The following ROBO1 variants were observed in gnomAD, a reference collection of about 807,000 sequenced individuals.
ROBO1 encodes the protein roundabout guidance receptor 1, also known as roundabout homolog 1.
Under a neutral mutation model 195.9 loss-of-function variants are expected in ROBO1, and 149 were observed. The observed-to-expected ratio is 0.76, with a 90% CI of 0.67 to 0.87. ROBO1 has a LOEUF of 0.87. Among genes scored for constraint, ROBO1 ranks in the 40% least tolerant of loss-of-function variants. ROBO1 has a pLI of 0.00. For missense variants in ROBO1, 1,933 were observed against 2,068.3 expected (o/e 0.93, Z 1.27); for synonymous variants, 816 against 733.2 (o/e 1.11, Z -1.82).
intron 8 of ROBO1, among the ~76,000 whole-genome samples, chr3:78,690,858 T>A (rs922940233): frequency 7.2e-5 from 11 of 152,102 alleles, no homozygotes; most frequent in African/African-American, 2.7e-4. Context: ...TGTTTAAGAA[T>A]GTGTGCCAGA....
intron 3 of ROBO1, among the ~76,000 whole-genome samples, chr3:79,059,573 C>T (rs1200964622): frequency 6.6e-6 from 1 of 151,988 alleles, no homozygotes; most frequent in Non-Finnish European, 1.5e-5. Context: ...GGCAGAAGAA[C>T]ATAAATTGTG....
At chr3:78,642,107 A>G (rs934649038) in intron 21 of ROBO1, among the ~76,000 whole-genome samples, 3 of 152,100 alleles carry the variant, frequency 2.0e-5, no homozygotes, top group African/African-American at 7.2e-5. Context: ...CGAGCTTAAG[A>G]TATGAAGCAG....
intron 2 of ROBO1, among the ~76,000 whole-genome samples, chr3:79,237,368 C>T (rs1391902961): frequency 6.6e-6 from 1 of 151,890 alleles, no homozygotes; most frequent in Non-Finnish European, 1.5e-5. Context: ...GTAGTCCCAG[C>T]TACTCGGGAG....
chr3:78,622,664 A>G (rs1162766833), intron 26 of ROBO1, among the ~76,000 whole-genome samples: 1 of 152,176 alleles, frequency 6.6e-6, no homozygotes, highest in Admixed American at 6.5e-5. Flanking sequence ...ATCTGGATGG[A>G]TTCTGTGATT....
chr3:79,144,171 T>A lies in ROBO1; in HGVS notation c.89-18632A>T, dbSNP rs1006581424. Among the ~76,000 whole-genome samples the A allele has an allele frequency of 7.2e-5, 11 of 152,028 alleles. 1 individual carries two copies. The highest frequency in any genetic ancestry group is 4.4e-5 in the Non-Finnish European group (3 of 67,970). On this transcript the variant is annotated intron_variant, in intron 2 of 30. Transcript: ENST00000464233. Reference sequence around the variant, plus strand: ...ATAAAGCTGCTATAAATATGTACAGTTTTAGTATTAAATATACATTTTCAT... The same window carrying A: ...ATAAAGCTGCTATAAATATGTACAGATTTAGTATTAAATATACATTTTCAT...
chr3:78,938,872 G>T lies in ROBO1; in HGVS notation c.228C>A (p.Asp76Glu), dbSNP rs1290249322. Residue 76 changes from aspartate to glutamate, a missense_variant, in exon 4 of 31, where the codon GAC (aspartate) becomes GAA (glutamate). Asp to Glu is a conservative substitution (Grantham distance 45). Coordinates refer to ENST00000464233, the MANE Select transcript of ROBO1 (RefSeq NM_002941.4). The part of the protein sequence containing the change: ...FPPRIVEHPS[D>E]LIVSKGEPAT... ...CAGGTTCTCCTTTTGAGACAATCAG[G>T]TCTGAAGGGTGTTCAACAATGCGAG... The T allele has an allele frequency of 1.9e-6, 3 of 1,613,848 alleles. No homozygotes were observed. The East Asian group carries it at 6.7e-5, about 36-fold the overall frequency.
intron 2 of ROBO1, among the ~76,000 whole-genome samples, chr3:79,446,951 A>G (rs1393750667): frequency 6.6e-6 from 1 of 151,114 alleles, no homozygotes; most frequent in African/African-American, 2.4e-5. Context: ...AGCCTCCCAC[A>G]TAGCTGGGAT....
intron 3 of ROBO1, chr3:79,018,517 G>T: frequency 6.2e-7 from 1 of 1,608,626 alleles, no homozygotes; most frequent in Non-Finnish European, 8.5e-7. Flanking sequence ...AGTGGAAATA[G>T]GGTCCCCAAA....
At chr3:79,405,404 A>G (rs1469196490) in intron 2 of ROBO1, among the ~76,000 whole-genome samples, 1 of 152,190 alleles carries the variant, frequency 6.6e-6, no homozygotes, top group African/African-American at 2.4e-5. Context: ...TCTGCAAGGA[A>G]GCACATTATG....
At chr3:78,609,834 T>C (rs1703700713) in intron 28 of ROBO1, among the ~76,000 whole-genome samples, 1 of 152,228 alleles carries the variant, frequency 6.6e-6, no homozygotes, top group East Asian at 1.9e-4. Context: ...TAACCTAGTA[T>C]TTCTCATAAT....
In ROBO1 at chr3:79,552,799, C is replaced by G. The variant is rs143618327; in HGVS notation, c.88+37025G>C. Reference sequence around the variant, plus strand: ...AGTGTTAAATCCCAAGAAAATGCAGCATTGCTCATATGTGCATTTTGTAAA... The same window carrying G: ...AGTGTTAAATCCCAAGAAAATGCAGGATTGCTCATATGTGCATTTTGTAAA... On this transcript the variant is annotated intron_variant, in intron 2 of 30. Transcript: ENST00000464233. Among the ~76,000 whole-genome samples, 199 of 152,198 alleles carry G rather than the reference C, an allele frequency of 1.3e-3. 1 individual carries two copies. Among genetic ancestry groups the G allele is most frequent in the Middle Eastern group, 3.4e-3 (1 of 294 alleles).
intron 2 of ROBO1, among the ~76,000 whole-genome samples, chr3:79,409,955 T>C (rs1452762540): frequency 6.6e-6 from 1 of 152,140 alleles, no homozygotes; most frequent in East Asian, 1.9e-4. Context: ...CACACATATA[T>C]ATTCTCTTTG....
At chr3:79,022,319 C>T (rs2078119366) in intron 3 of ROBO1, among the ~76,000 whole-genome samples, 1 of 152,160 alleles carries the variant, frequency 6.6e-6, no homozygotes, top group Non-Finnish European at 1.5e-5. Flanking sequence ...TAATTCCTTT[C>T]TTTTAGGCTT....
At chr3:78,770,941 C>A (rs1381371884) in intron 4 of ROBO1, among the ~76,000 whole-genome samples, 1 of 151,994 alleles carries the variant, frequency 6.6e-6, no homozygotes, top group Non-Finnish European at 1.5e-5. Flanking sequence ...GTTGCTTCCA[C>A]CTGTGGTCCC....
At chr3:79,243,736 T>C (rs1431344209) in intron 2 of ROBO1, among the ~76,000 whole-genome samples, 3 of 152,254 alleles carry the variant, frequency 2.0e-5, no homozygotes, top group Admixed American at 2.0e-4. Flanking sequence ...ATTAGCCCTT[T>C]GTCAGATGAG....
intron 1 of ROBO1, among the ~76,000 whole-genome samples, chr3:79,664,165 G>C (rs1426313635): frequency 6.6e-6 from 1 of 151,910 alleles, no homozygotes; most frequent in African/African-American, 2.4e-5. Context: ...ATTTTAATGT[G>C]TCTTTCCTCT....
chr3:79,440,558 C>T (rs2039019540), intron 2 of ROBO1, among the ~76,000 whole-genome samples: 1 of 152,068 alleles, frequency 6.6e-6, no homozygotes. Flanking sequence ...CAGGATAGTC[C>T]TTGTCCTCAA....
chr3:79,372,533 G>T (rs1015571976), intron 2 of ROBO1, among the ~76,000 whole-genome samples: 1 of 151,914 alleles, frequency 6.6e-6, no homozygotes, highest in African/African-American at 2.4e-5. Flanking sequence ...AAGGAGAGAT[G>T]TGGGAGTGCT....
intron 2 of ROBO1, among the ~76,000 whole-genome samples, chr3:79,264,331 T>TTA (rs202055981): frequency 0.028 from 4,268 of 151,480 alleles, 171 homozygotes; most frequent in African/African-American, 0.096. Context: ...CTTTCTGAAT[T>TTA]TATATATATA....
Sources: gnomAD v4.1 joint callset for allele counts (sites outside exome capture counted in the v4.1 genomes callset) on GRCh38, gnomAD v4.1.1 for gene constraint, MANE v1.5 for transcripts, NCBI Gene and HGNC (gene_info 2026-07-23, HGNC 2026-07-21) for gene names.